The following PAPOLA variants were observed in gnomAD, a reference collection of about 807,000 sequenced individuals.
The protein encoded by PAPOLA is polynucleotide adenylyltransferase alpha.
In PAPOLA, 15 loss-of-function variants were observed where a neutral mutation model predicts 100.6. The observed-to-expected ratio is 0.15, with a 90% CI of 0.10 to 0.23. The LOEUF (loss-of-function observed/expected upper bound fraction) is 0.23. Ranked by LOEUF, PAPOLA falls within the 10% of genes least tolerant of loss-of-function variation. PAPOLA has a pLI of 1.00. For synonymous variants in PAPOLA, 293 were observed against 300.0 expected, an observed-to-expected ratio of 0.98 and a Z score of 0.24; for missense variants, 533 against 884.2, an observed-to-expected ratio of 0.60 and a Z score of 5.04.
chr14:96,510,215 C>T (rs1426084081), intron 1 of PAPOLA, among the ~76,000 whole-genome samples: 1 of 151,914 alleles, frequency 6.6e-6, no homozygotes, highest in Admixed American at 6.6e-5. Context: ...TAGTGTTTGT[C>T]ATTTTGATCA....
intron 1 of PAPOLA, chr14:96,504,692 C>T (rs1026826029): frequency 1.3e-5 from 2 of 152,152 alleles, no homozygotes; most frequent in African/African-American, 2.4e-5. Context: ...CAGAGCGAGA[C>T]TCAAAAAGTA....
intron 4 of PAPOLA, 127 bp from the exon 5 acceptor site, chr14:96,527,303 G>A (rs1158619183): frequency 3.3e-6 from 2 of 614,928 alleles, no homozygotes; most frequent in Non-Finnish European, 5.7e-6. Context: ...TTAAGTAAGG[G>A]GTGGAACATT....
rs543168325 is a variant in PAPOLA at position 96,533,805 on chromosome 14, G to A, written c.837-686G>A. The stretch of plus-strand genomic sequence containing the variant: ...CCTGACCTCATAATCCGCCCGCCTC[G>A]GCCTCCCATAGTGCTGGGATTACAG... On this transcript the variant is annotated intron_variant, in intron 9 of 21. Coordinates refer to ENST00000216277, the MANE Select transcript of PAPOLA (RefSeq NM_032632.5). The A allele has an allele frequency of 3.3e-5, 24 of 734,110 alleles. No homozygotes were observed. The East Asian group carries it at 7.8e-4, about 24-fold the overall frequency. The allele number at this position is 734,110 out of a possible 1,614,324, so 45.5% of individuals were successfully genotyped here.
rs906148015 is a variant in PAPOLA at position 96,533,133 on chromosome 14, C to T, written c.836+484C>T. The T allele has an allele frequency of 1.8e-5, 18 of 982,550 alleles. No homozygotes were observed. The Admixed American group carries it at 1.8e-4, about 10-fold the overall frequency. The allele number at this position is 982,550 out of a possible 1,614,324, so 60.9% of individuals were successfully genotyped here. A position where few individuals can be genotyped will look rare whatever the true frequency, so the allele number is the denominator to read the frequency against. Reference sequence around the variant, plus strand: ...AAGAATAAATTAACATTAAGTGCTTCGGGACAAAAAAGGAATTTGAGATTA... The same window carrying T: ...AAGAATAAATTAACATTAAGTGCTTTGGGACAAAAAAGGAATTTGAGATTA... On this transcript the variant is annotated intron_variant, in intron 9 of 21. Transcript: ENST00000216277.
intron 4 of PAPOLA, 112 bp downstream of exon 4, chr14:96,525,503 A>T: frequency 1.8e-6 from 1 of 550,688 alleles, no homozygotes; most frequent in East Asian, 3.3e-5. Context: ...TGGAAGAGAG[A>T]GTGCTTTGAG....
rs1423562165 is a variant in PAPOLA at position 96,509,887 on chromosome 14, A to G, written c.8+7287A>G. On this transcript the variant is annotated intron_variant, in intron 1 of 21. Transcript: ENST00000216277. ...ACTTTCAGTGGCTTTATTTGCATAT[A>G]TATTCTTATTTAAAGCCATGCACAG... Among the ~76,000 whole-genome samples, 4 of 150,676 alleles carry G rather than the reference A, an allele frequency of 2.7e-5. No homozygotes were observed. In the East Asian group the frequency reaches 5.8e-4, roughly 22 times the overall value.
intron 17 of PAPOLA, among the ~76,000 whole-genome samples, chr14:96,555,235 T>G (rs999522020): frequency 6.7e-6 from 1 of 149,338 alleles, no homozygotes. Context: ...TTTAATAATA[T>G]AGGTTTTTTT....
chr14:96,520,543 T>G (rs977465277), intron 2 of PAPOLA, among the ~76,000 whole-genome samples: 2 of 151,874 alleles, frequency 1.3e-5, no homozygotes, highest in African/African-American at 2.4e-5. Context: ...GCCCGGCTAA[T>G]TTTTTGTATT....
At chr14:96,511,541 CCTT>C (rs2140233541) in intron 1 of PAPOLA, among the ~76,000 whole-genome samples, 1 of 152,328 alleles carries the variant, frequency 6.6e-6, no homozygotes, top group East Asian at 1.9e-4. Context: ...ACTGTGTACA[CCTT>C]CTGGCATAGT....
chr14:96,522,034 T>G (rs1002656412), intron 3 of PAPOLA, among the ~76,000 whole-genome samples: 1 of 151,150 alleles, frequency 6.6e-6, no homozygotes, highest in Non-Finnish European at 1.5e-5. Flanking sequence ...GCTCCTGACC[T>G]CAAGTGATCC....
At chr14:96,553,719 C>T (rs572951881) in intron 17 of PAPOLA, among the ~76,000 whole-genome samples, 1 of 152,190 alleles carries the variant, frequency 6.6e-6, no homozygotes, top group African/African-American at 2.4e-5. Flanking sequence ...ACCATGTTGG[C>T]CAGGCTGGTC....
intron 3 of PAPOLA, among the ~76,000 whole-genome samples, chr14:96,523,206 A>ATG: frequency 6.6e-6 from 1 of 152,282 alleles, no homozygotes; most frequent in East Asian, 1.9e-4. Context: ...GCAAGTGAAA[A>ATG]TGTTTTTCCA....
At chr14:96,506,612 G>A (rs1896732021) in intron 1 of PAPOLA, among the ~76,000 whole-genome samples, 1 of 152,134 alleles carries the variant, frequency 6.6e-6, no homozygotes, top group African/African-American at 2.4e-5. Flanking sequence ...TGAGCTTGAC[G>A]GTTTTTCCCA....
chr14:96,523,718 G>T (rs1036889253), intron 3 of PAPOLA, among the ~76,000 whole-genome samples: 1 of 152,200 alleles, frequency 6.6e-6, no homozygotes, highest in Non-Finnish European at 1.5e-5. Context: ...GCCAAGGTGG[G>T]CTTATCACGA....
At chr14:96,508,747 G>A (rs1260532953) in intron 1 of PAPOLA, among the ~76,000 whole-genome samples, 1 of 152,144 alleles carries the variant, frequency 6.6e-6, no homozygotes, top group Admixed American at 6.5e-5. Context: ...GGGTGTGTGT[G>A]TCTCTTTTAT....
intron 1 of PAPOLA, among the ~76,000 whole-genome samples, chr14:96,514,330 C>T (rs777887848): frequency 2.0e-5 from 3 of 151,972 alleles, no homozygotes; most frequent in African/African-American, 4.8e-5. Context: ...ACTGCCACCA[C>T]GCCCGGCTAA....
intron 20 of PAPOLA, among the ~76,000 whole-genome samples, chr14:96,561,894 C>T (rs758592899): frequency 7.4e-6 from 1 of 135,518 alleles, no homozygotes; most frequent in East Asian, 2.2e-4. Context: ...TCTTCTTTGT[C>T]CTTTTTTTGG....
At chr14:96,531,861 G>A in intron 7 of PAPOLA, 1 of 1,384,228 alleles carries the variant, frequency 7.2e-7, no homozygotes, top group Non-Finnish European at 9.3e-7. Flanking sequence ...AGTGATTTAG[G>A]TTTCATGGCC....
At position 96,563,787 on chromosome 14, in the gene PAPOLA, G is replaced by A. The variant is rs147405328; in HGVS notation, c.2142+894G>A. 4.9e-3 allele frequency among the ~76,000 whole-genome samples: 746 copies of A among 152,156 alleles called. 8 individuals carry two copies. Among genetic ancestry groups the A allele is most frequent in the African/African-American group, 0.017 (719 of 41,530 alleles). ...CCATAATCTAATAAAACTTTAGGGG[G>A]AGTAACTAACATCAGGAAGTATGCT... On this transcript the variant is annotated intron_variant, in intron 21 of 21. Coordinates refer to ENST00000216277, the MANE Select transcript of PAPOLA (RefSeq NM_032632.5).
Sources: allele counts gnomAD v4.1 joint callset (sites outside exome capture counted in the v4.1 genomes callset), GRCh38; gene constraint gnomAD v4.1.1; transcripts MANE v1.5; gene names NCBI Gene and HGNC (gene_info 2026-07-23, HGNC 2026-07-21).